The following GPR137C variants were observed in gnomAD, a reference collection of about 807,000 sequenced individuals.
GPR137C encodes the protein integral membrane protein GPR137C.
In GPR137C, 27 loss-of-function variants were observed where a neutral mutation model predicts 43.4. The observed-to-expected ratio is 0.62, with a 90% confidence interval of 0.46 to 0.86. The LOEUF (loss-of-function observed/expected upper bound fraction) is 0.86, where lower values mean the gene tolerates loss of function less well. Among genes scored for constraint, GPR137C ranks in the 40% least tolerant of loss-of-function variants. The probability of loss-of-function intolerance (pLI) is 0.00; values close to 1 mark genes in which losing one functional copy is unlikely to be tolerated. For missense variants in GPR137C, 522 were observed against 534.6 expected, an observed-to-expected ratio of 0.98 and a Z score of 0.23; for synonymous variants, 285 against 226.9, an observed-to-expected ratio of 1.26 and a Z score of -2.30.
At chr14:52,577,797 TA>T (rs1486678079) in intron 1 of GPR137C, among the ~76,000 whole-genome samples, 2 of 75,818 alleles carry the variant, frequency 2.6e-5, no homozygotes, top group African/African-American at 1.1e-4. Context: ...ACACCATCTC[TA>T]CAAAAAAAAA....
At chr14:52,628,798 A>G (rs2039260703) in intron 3 of GPR137C, among the ~76,000 whole-genome samples, 1 of 152,218 alleles carries the variant, frequency 6.6e-6, no homozygotes, top group Admixed American at 6.5e-5. Flanking sequence ...TGTCTCAAAA[A>G]TAAAAAAGAA....
chr14:52,599,830 A>T (rs2038902416), intron 2 of GPR137C, among the ~76,000 whole-genome samples: 1 of 152,232 alleles, frequency 6.6e-6, no homozygotes, highest in African/African-American at 2.4e-5. Flanking sequence ...AAGCCTGATA[A>T]TTCTTGGATT....
chr14:52,602,851 C>T (rs1440241055), intron 3 of GPR137C, among the ~76,000 whole-genome samples: 1 of 151,940 alleles, frequency 6.6e-6, no homozygotes, highest in Non-Finnish European at 1.5e-5. Context: ...TTTAGTTGTA[C>T]ATATTTTTGG....
intron 1 of GPR137C, among the ~76,000 whole-genome samples, chr14:52,588,126 C>T (rs2038735865): frequency 6.6e-6 from 1 of 152,090 alleles, no homozygotes; most frequent in African/African-American, 2.4e-5. Flanking sequence ...ACCACTTTAA[C>T]CAGTTGATTA....
chr14:52,582,568 C>A (rs576228756), intron 1 of GPR137C, among the ~76,000 whole-genome samples: 1 of 152,164 alleles, frequency 6.6e-6, no homozygotes, highest in Non-Finnish European at 1.5e-5. Flanking sequence ...CCAAGGCGGG[C>A]AGATCACCTG....
chr14:52,577,957 C>T (rs1270471859), intron 1 of GPR137C, among the ~76,000 whole-genome samples: 1 of 151,692 alleles, frequency 6.6e-6, no homozygotes, highest in Non-Finnish European at 1.5e-5. Context: ...AGAATGAGAC[C>T]CTGTCTCAAA....
intron 1 of GPR137C, among the ~76,000 whole-genome samples, chr14:52,558,946 A>G (rs892149666): frequency 1.3e-5 from 2 of 152,218 alleles, no homozygotes; most frequent in Admixed American, 1.3e-4. Flanking sequence ...GGTCCAACAT[A>G]TGTGTAATTG....
chr14:52,574,591 A>G (rs1035333027), intron 1 of GPR137C, among the ~76,000 whole-genome samples: 1 of 152,206 alleles, frequency 6.6e-6, no homozygotes, highest in African/African-American at 2.4e-5. Flanking sequence ...GAGGGGTAGC[A>G]TTAGGAGAGA....
At chr14:52,610,281 A>G (rs866286865) in intron 3 of GPR137C, among the ~76,000 whole-genome samples, 21 of 152,190 alleles carry the variant, frequency 1.4e-4, no homozygotes, top group Non-Finnish European at 2.2e-4. Flanking sequence ...GAGCTCTCTT[A>G]TTTGTGTTAT....
chr14:52,584,686 A>G (rs950401264), intron 1 of GPR137C, among the ~76,000 whole-genome samples: 6 of 152,088 alleles, frequency 3.9e-5, no homozygotes, highest in African/African-American at 1.2e-4. Flanking sequence ...ATCATAACTC[A>G]CTGCAGCCTC....
intron 1 of GPR137C, 67 bp downstream of exon 1, chr14:52,553,658 T>A: frequency 1.5e-6 from 1 of 675,450 alleles, no homozygotes; most frequent in Non-Finnish European, 2.2e-6. Context: ...CAACTCCCGC[T>A]GAGGACCAGC....
intron 1 of GPR137C, among the ~76,000 whole-genome samples, chr14:52,564,789 T>C (rs1385810305): frequency 6.6e-6 from 1 of 152,136 alleles, no homozygotes; most frequent in Non-Finnish European, 1.5e-5. Flanking sequence ...GTGTATTAGG[T>C]GTTCAGTAAA....
At chr14:52,589,976 C>A (rs935007311) in intron 1 of GPR137C, among the ~76,000 whole-genome samples, 2 of 152,022 alleles carry the variant, frequency 1.3e-5, no homozygotes, top group Non-Finnish European at 1.5e-5. Flanking sequence ...TTTAGAATGG[C>A]TTTCTACTTA....
chr14:52,610,604 G>A (rs1480591032), intron 3 of GPR137C, among the ~76,000 whole-genome samples: 2 of 152,100 alleles, frequency 1.3e-5, no homozygotes, highest in South Asian at 2.1e-4. Flanking sequence ...GTACATATCG[G>A]GTTTGGTACT....
intron 3 of GPR137C, among the ~76,000 whole-genome samples, chr14:52,607,130 T>C (rs1386307124): frequency 6.6e-6 from 1 of 152,258 alleles, no homozygotes; most frequent in Non-Finnish European, 1.5e-5. Context: ...CTAGTCTTGC[T>C]CTGTTGCAGC....
intron 1 of GPR137C, among the ~76,000 whole-genome samples, chr14:52,587,916 G>A (rs538659261): frequency 6.6e-6 from 1 of 152,330 alleles, no homozygotes; most frequent in South Asian, 2.1e-4. Flanking sequence ...CTGGAATAGT[G>A]TGATCAGATG....
chr14:52,624,723 CA>C (rs34539882), intron 3 of GPR137C, among the ~76,000 whole-genome samples: 18,489 of 133,068 alleles, frequency 0.14, 1,410 homozygotes, highest in Non-Finnish European at 0.2. Context: ...TATGCTGTCT[CA>C]AAAAAAAAAA....
chr14:52,588,931 A>G (rs915737512), intron 1 of GPR137C, among the ~76,000 whole-genome samples: 18 of 152,220 alleles, frequency 1.2e-4, no homozygotes, highest in African/African-American at 3.9e-4. Context: ...TATATAGAAC[A>G]TTGATGTTCA....
Position 52,600,323 on chromosome 14 carries a change from T to C in GPR137C, c.699T>C (p.Asn233=), listed in dbSNP as rs775413153. Residue 233 remains asparagine, a synonymous_variant, in exon 3 of 7, where the codon AAT becomes AAC. Transcript: ENST00000321662. ...AAATTACAAAAATGTCATCAGCTAA[T>C]GTCTACCTCGAATCAAAGGTAAGAA... ...ICKITKMSSA[N]VYLESKGMSL... is the part of the protein sequence containing the mutation. 6.3e-7 allele frequency: 1 copy of C among 1,589,034 alleles called. No homozygotes were observed. Among genetic ancestry groups the C allele is most frequent in the Non-Finnish European group, 8.6e-7 (1 of 1,159,052 alleles).
Sources: allele counts gnomAD v4.1 joint callset (sites outside exome capture counted in the v4.1 genomes callset), GRCh38; gene constraint gnomAD v4.1.1; transcripts MANE v1.5; gene names NCBI Gene and HGNC (gene_info 2026-07-23, HGNC 2026-07-21).